Variants in ANO6 observed in about 807,000 individuals in gnomAD.
ANO6 encodes anoctamin-6.
ANO6 carries 106 observed loss-of-function variants against 117.5 expected under a neutral mutation model. The observed-to-expected ratio is 0.90, with a 90% CI of 0.77 to 1.06. ANO6 has a LOEUF of 1.06. Ranked by LOEUF, ANO6 falls within the 50% of genes least tolerant of loss-of-function variation. The pLI is 0.00. For missense variants in ANO6, 955 were observed against 1,121.1 expected, an observed-to-expected ratio of 0.85 and a Z score of 2.12; for synonymous variants, 367 against 385.1, an observed-to-expected ratio of 0.95 and a Z score of 0.55.
intron 1 of ANO6, among the ~76,000 whole-genome samples, chr12:45,301,248 TA>T (rs5797937): frequency 0.94 from 141,877 of 151,336 alleles, 67,078 homozygotes; most frequent in Non-Finnish European, 1. Context: ...TCTTTTTTTT[TA>T]AAAACGTCTC....
intron 1 of ANO6, among the ~76,000 whole-genome samples, chr12:45,245,319 T>C (rs2137174422): frequency 6.6e-6 from 1 of 152,266 alleles, no homozygotes; most frequent in East Asian, 1.9e-4. Flanking sequence ...ATCTGACATT[T>C]CTGTGTACTA....
intron 15 of ANO6, among the ~76,000 whole-genome samples, chr12:45,407,377 G>A (rs1400318345): frequency 2.0e-5 from 3 of 151,364 alleles, no homozygotes; most frequent in African/African-American, 7.3e-5. Flanking sequence ...TAGAAGTTTG[G>A]GAGGCAAAGC....
At chr12:45,253,012 A>G (rs1356725644) in intron 1 of ANO6, among the ~76,000 whole-genome samples, 1 of 152,122 alleles carries the variant, frequency 6.6e-6, no homozygotes, top group African/African-American at 2.4e-5. Flanking sequence ...ATCATCACTG[A>G]ATTTTTCTTG....
At chr12:45,226,608 TG>T (rs1947485655) in intron 1 of ANO6, among the ~76,000 whole-genome samples, 1 of 152,170 alleles carries the variant, frequency 6.6e-6, no homozygotes, top group African/African-American at 2.4e-5. Context: ...TTTATATAAT[TG>T]AATTTTTTGT....
intron 1 of ANO6, among the ~76,000 whole-genome samples, chr12:45,261,955 A>C (rs951060493): frequency 2.0e-5 from 3 of 152,274 alleles, no homozygotes; most frequent in Admixed American, 2.0e-4. Context: ...CACAAATGAT[A>C]TGCAGTATAC....
chr12:45,413,332 C>G (rs1943134399), intron 16 of ANO6, among the ~76,000 whole-genome samples: 1 of 152,054 alleles, frequency 6.6e-6, no homozygotes, highest in African/African-American at 2.4e-5. Context: ...AATTGCATAG[C>G]AGATGAGGAA....
chr12:45,334,032 T>G (rs1356561630), intron 3 of ANO6, among the ~76,000 whole-genome samples: 1 of 152,066 alleles, frequency 6.6e-6, no homozygotes, highest in Non-Finnish European at 1.5e-5. Flanking sequence ...TTTAAAAGGA[T>G]GTATCATCCT....
At chr12:45,388,525 G>A (rs1942361239) in intron 11 of ANO6, among the ~76,000 whole-genome samples, 2 of 152,092 alleles carry the variant, frequency 1.3e-5, no homozygotes, top group Admixed American at 6.5e-5. Context: ...AAGAAGCACT[G>A]CTTAGAACAG....
chr12:45,279,060 C>T (rs1041201035), intron 1 of ANO6, among the ~76,000 whole-genome samples: 38 of 152,322 alleles, frequency 2.5e-4, no homozygotes, highest in African/African-American at 6.7e-4. Context: ...TGCCTAGTAT[C>T]CTCTTGTCTG....
At chr12:45,220,362 A>G (rs577697475) in intron 1 of ANO6, among the ~76,000 whole-genome samples, 42 of 152,300 alleles carry the variant, frequency 2.8e-4, no homozygotes, top group Admixed American at 9.1e-4. Context: ...TTGAGAGATA[A>G]TGATCCAGCT....
At chr12:45,271,332 A>G (rs893022954) in intron 1 of ANO6, among the ~76,000 whole-genome samples, 1 of 152,230 alleles carries the variant, frequency 6.6e-6, no homozygotes, top group Non-Finnish European at 1.5e-5. Flanking sequence ...TATACATTTT[A>G]AGGACTGAAT....
At chr12:45,310,972 A>C (rs1438022310) in intron 2 of ANO6, among the ~76,000 whole-genome samples, 1 of 152,088 alleles carries the variant, frequency 6.6e-6, no homozygotes, top group Non-Finnish European at 1.5e-5. Context: ...AGCCAACATG[A>C]TGAGTTCAAT....
downstream of ANO6, among the ~76,000 whole-genome samples, chr12:45,436,536 A>G (rs1181024113): frequency 6.6e-6 from 1 of 152,232 alleles, no homozygotes; most frequent in African/African-American, 2.4e-5. Context: ...AAGAAACCAC[A>G]GGATCAACAT....
chr12:45,270,761 A>AT (rs35709283), intron 1 of ANO6, among the ~76,000 whole-genome samples: 8,969 of 150,476 alleles, frequency 0.06, 566 homozygotes, highest in East Asian at 0.34. Flanking sequence ...AGCAAAAGTT[A>AT]TTTTTTTTTT....
rs562367655 is a variant in ANO6, at chr12:45,272,003, A to T, written c.71-30011A>T. Among the ~76,000 whole-genome samples, 103 of 152,338 alleles carry T rather than the reference A, an allele frequency of 6.8e-4. 1 individual carries two copies. Among genetic ancestry groups the T allele is most frequent in the Non-Finnish European group, 9.8e-4 (67 of 68,024 alleles). On this transcript the variant is annotated intron_variant, in intron 1 of 19. Coordinates refer to ENST00000320560, the MANE Select transcript of ANO6 (RefSeq NM_001025356.3). ...AATGGTAATGTGGCAGTGTGGAAGT[A>T]AAGTCACCATATATCATGGAAAATC...
intron 1 of ANO6, among the ~76,000 whole-genome samples, chr12:45,227,236 C>T (rs551401650): frequency 7.9e-5 from 12 of 152,144 alleles, no homozygotes; most frequent in East Asian, 1.9e-4. Context: ...GTGATCCACC[C>T]GCCTTGGCCT....
chr12:45,242,205 T>TTGTGC (rs1431282845), intron 1 of ANO6, among the ~76,000 whole-genome samples: 2 of 152,144 alleles, frequency 1.3e-5, no homozygotes, highest in Admixed American at 6.5e-5. Context: ...GTAGGCTTTG[T>TTGTGC]TGTGCTGTGC....
At chr12:45,334,985 G>A (rs901113340) in intron 3 of ANO6, among the ~76,000 whole-genome samples, 2 of 151,944 alleles carry the variant, frequency 1.3e-5, no homozygotes, top group Non-Finnish European at 2.9e-5. Flanking sequence ...GTACAATTCA[G>A]ATGAGGGTGA....
intron 1 of ANO6, among the ~76,000 whole-genome samples, chr12:45,225,820 C>T (rs1947474097): frequency 6.6e-6 from 1 of 152,130 alleles, no homozygotes; most frequent in African/African-American, 2.4e-5. Flanking sequence ...ATGATTTAAG[C>T]TGTCTGATTA....
Sources: allele counts gnomAD v4.1 joint callset (sites outside exome capture counted in the v4.1 genomes callset), GRCh38; gene constraint gnomAD v4.1.1; transcripts MANE v1.5; gene names NCBI Gene and HGNC (gene_info 2026-07-23, HGNC 2026-07-21).